The following CHCHD3 variants were observed in gnomAD, a reference collection of about 807,000 sequenced individuals.
CHCHD3 encodes MICOS complex subunit MIC19.
A neutral mutation model predicts 38.2 loss-of-function variants in CHCHD3; 20 were observed. That is an observed-to-expected ratio of 0.52 (90% CI 0.37 to 0.76). The LOEUF is 0.76. CHCHD3 is among the 30% of genes least tolerant of loss of function. The probability of loss-of-function intolerance (pLI) is 0.00; values close to 1 mark genes in which losing one functional copy is unlikely to be tolerated. For missense variants in CHCHD3, 245 were observed against 279.2 expected (o/e 0.88, Z 0.87); for synonymous variants, 82 against 100.0 (o/e 0.82, Z 1.07).
intron 4 of CHCHD3, among the ~76,000 whole-genome samples, chr7:132,937,452 T>C (rs1186719597): frequency 6.6e-6 from 1 of 152,224 alleles, no homozygotes; most frequent in Non-Finnish European, 1.5e-5. Flanking sequence ...CAATTTAGTC[T>C]ATGATTCATG....
rs56259114 is a variant in CHCHD3 at position 132,879,716 on chromosome 7, T to TAAAAAAAAAAAAAAA, written c.453+5931_453+5945dup. Among the ~76,000 whole-genome samples the TAAAAAAAAAAAAAAA allele has an allele frequency of 8.1e-4, 31 of 38,422 alleles. 1 individual carries two copies. The highest frequency in any genetic ancestry group is 3.5e-3 in the East Asian group (3 of 862). 25.2% of individuals were successfully genotyped at this position (38,422 alleles called of 152,430 possible). A position where few individuals can be genotyped will look rare whatever the true frequency, so the allele number is the denominator to read the frequency against. On this transcript the variant is annotated intron_variant, in intron 5 of 7. Coordinates refer to ENST00000262570, the MANE Select transcript of CHCHD3 (RefSeq NM_017812.4). ...AACTATCAGAACACTTTGTCAAAAG[T>TAAAAAAAAAAAAAAA]AAAAAAAAAAAAAAAAAAAAAAAAA...
chr7:132,973,099 G>T (rs1811652175), intron 4 of CHCHD3: 1 of 985,156 alleles, frequency 1.0e-6, no homozygotes, highest in Non-Finnish European at 1.2e-6. Context: ...TGAGTTTTTT[G>T]AGTTTTTGAA....
intron 4 of CHCHD3, chr7:132,973,812 T>G: frequency 4.5e-6 from 5 of 1,103,178 alleles, no homozygotes; most frequent in Non-Finnish European, 5.6e-6. Context: ...TTTTAGTGTT[T>G]CCCAATTGCC....
intron 4 of CHCHD3, among the ~76,000 whole-genome samples, chr7:132,952,552 G>C (rs1180664627): frequency 6.6e-6 from 1 of 152,204 alleles, no homozygotes; most frequent in African/African-American, 2.4e-5. Flanking sequence ...TATCAAGCCT[G>C]AGTTATTTTA....
intron 4 of CHCHD3, chr7:132,973,953 T>C: frequency 7.8e-7 from 1 of 1,285,496 alleles, no homozygotes; most frequent in Middle Eastern, 2.1e-4. Flanking sequence ...AACATCTGGG[T>C]TTCTAGGAAG....
At chr7:133,071,891 A>G (rs180896663) in intron 1 of CHCHD3, among the ~76,000 whole-genome samples, 202 of 152,340 alleles carry the variant, frequency 1.3e-3, no homozygotes, top group Non-Finnish European at 2.4e-3. Context: ...AAACACCCAG[A>G]AAAAGCATCC....
intron 4 of CHCHD3, among the ~76,000 whole-genome samples, chr7:132,962,552 G>A (rs1242942854): frequency 6.6e-6 from 1 of 152,134 alleles, no homozygotes; most frequent in Non-Finnish European, 1.5e-5. Flanking sequence ...TTCAAAAATT[G>A]TCAAAAAATA....
chr7:132,973,996 G>C, intron 4 of CHCHD3: 8 of 1,287,510 alleles, frequency 6.2e-6, no homozygotes, highest in Non-Finnish European at 7.1e-6. Context: ...CAACACTCCA[G>C]GTTTCACCCA....
chr7:132,957,832 G>A (rs370841076), intron 4 of CHCHD3, among the ~76,000 whole-genome samples: 9 of 152,254 alleles, frequency 5.9e-5, no homozygotes, highest in Admixed American at 2.6e-4. Flanking sequence ...CAGTTGGCAC[G>A]TGGTACAGGA....
intron 2 of CHCHD3, among the ~76,000 whole-genome samples, chr7:133,033,393 T>G (rs1813555847): frequency 6.6e-6 from 1 of 152,038 alleles, no homozygotes; most frequent in Non-Finnish European, 1.5e-5. Flanking sequence ...TGAAGATCCC[T>G]CCCCGTGCCA....
intron 6 of CHCHD3, among the ~76,000 whole-genome samples, chr7:132,832,925 G>A (rs1585555103): frequency 6.6e-6 from 1 of 151,994 alleles, no homozygotes; most frequent in African/African-American, 2.4e-5. Context: ...GCTCCATAAG[G>A]GTAAGAACTC....
chr7:132,927,657 A>C (rs1267076515), intron 4 of CHCHD3, among the ~76,000 whole-genome samples: 1 of 152,218 alleles, frequency 6.6e-6, no homozygotes, highest in African/African-American at 2.4e-5. Flanking sequence ...AAACTGTTTA[A>C]AATTGACAAT....
At chr7:132,982,312 TCTCA>T (rs1811940510) in intron 3 of CHCHD3, among the ~76,000 whole-genome samples, 3 of 151,972 alleles carry the variant, frequency 2.0e-5, no homozygotes, top group Admixed American at 2.0e-4. Flanking sequence ...TGAGACGGAG[TCTCA>T]CTCTGTCTCC....
At chr7:133,058,832 A>C (rs1295525927) in intron 2 of CHCHD3, among the ~76,000 whole-genome samples, 3 of 152,212 alleles carry the variant, frequency 2.0e-5, no homozygotes, top group Admixed American at 1.3e-4. Context: ...GCACTGGGTA[A>C]AAGCCCATAT....
At chr7:132,884,852 T>A (rs927137702) in intron 5 of CHCHD3, among the ~76,000 whole-genome samples, 6 of 152,238 alleles carry the variant, frequency 3.9e-5, no homozygotes, top group African/African-American at 1.4e-4. Context: ...TCTCTTTTCC[T>A]TCTCCTAACT....
intron 2 of CHCHD3, among the ~76,000 whole-genome samples, chr7:133,056,675 A>G (rs903249515): frequency 6.6e-6 from 1 of 152,200 alleles, no homozygotes; most frequent in Admixed American, 6.5e-5. Flanking sequence ...GCAAGAGTCA[A>G]TGTGGAACAG....
At chr7:132,837,646 G>A (rs1186631727) in intron 6 of CHCHD3, among the ~76,000 whole-genome samples, 1 of 152,182 alleles carries the variant, frequency 6.6e-6, no homozygotes, top group Non-Finnish European at 1.5e-5. Flanking sequence ...TGCAAGGAAG[G>A]AGGTCAGAGC....
At chr7:132,919,834 T>C (rs1211083668) in intron 4 of CHCHD3, among the ~76,000 whole-genome samples, 1 of 152,124 alleles carries the variant, frequency 6.6e-6, no homozygotes, top group African/African-American at 2.4e-5. Flanking sequence ...TAAAAGACCA[T>C]ATAGCTACAA....
intron 4 of CHCHD3, among the ~76,000 whole-genome samples, chr7:132,927,922 C>T (rs2117249296): frequency 6.6e-6 from 1 of 152,258 alleles, no homozygotes; most frequent in South Asian, 2.1e-4. Flanking sequence ...GATCTCCTAA[C>T]ATATTCATTT....
Sources: gnomAD v4.1 joint callset for allele counts (sites outside exome capture counted in the v4.1 genomes callset) on GRCh38, gnomAD v4.1.1 for gene constraint, MANE v1.5 for transcripts, NCBI Gene and HGNC (gene_info 2026-07-23, HGNC 2026-07-21) for gene names.